Variants in TANC2 observed in about 807,000 individuals in gnomAD.
TANC2 encodes the protein tetratricopeptide repeat, ankyrin repeat and coiled-coil containing 2, also known as protein TANC2.
Under a neutral mutation model 210.5 loss-of-function variants are expected in TANC2, and 26 were observed. That is an observed-to-expected ratio of 0.12 (90% confidence interval 0.09 to 0.17). The LOEUF is 0.17. TANC2 is among the 10% of genes least tolerant of loss of function. TANC2 has a pLI of 1.00. For synonymous variants in TANC2, 931 were observed against 967.1 expected (o/e 0.96, Z 0.69); for missense variants, 2,129 against 2,608.9 (o/e 0.82, Z 4.01).
intron 3 of TANC2, among the ~76,000 whole-genome samples, chr17:63,096,850 T>C (rs528733671): frequency 6.6e-6 from 1 of 152,264 alleles, no homozygotes; most frequent in East Asian, 1.9e-4. Context: ...CAGAAGTGTA[T>C]GAAGATTTTA....
At chr17:63,353,368 A>C (rs916861272) in intron 13 of TANC2, among the ~76,000 whole-genome samples, 1 of 152,190 alleles carries the variant, frequency 6.6e-6, no homozygotes, top group African/African-American at 2.4e-5. Context: ...GATCACAGAT[A>C]TCTTCTAGAA....
At chr17:63,258,847 C>T (rs914080599) in intron 8 of TANC2, among the ~76,000 whole-genome samples, 6 of 152,268 alleles carry the variant, frequency 3.9e-5, no homozygotes, top group Admixed American at 3.3e-4. Context: ...AAGCTGGTAC[C>T]CTATCTATAA....
intron 2 of TANC2, among the ~76,000 whole-genome samples, chr17:63,045,729 A>T (rs916813134): frequency 1.3e-5 from 2 of 152,114 alleles, no homozygotes; most frequent in Non-Finnish European, 2.9e-5. Context: ...TCATGTACTA[A>T]GAATCTGTTA....
chr17:63,172,148 A>G (rs542812134), intron 5 of TANC2, among the ~76,000 whole-genome samples: 1 of 151,552 alleles, frequency 6.6e-6, no homozygotes, highest in Admixed American at 6.6e-5. Context: ...GAATTAAACT[A>G]CAGCTGAGTC....
chr17:63,112,694 GT>G (rs1466427549), intron 4 of TANC2, among the ~76,000 whole-genome samples: 1 of 152,228 alleles, frequency 6.6e-6, no homozygotes, highest in Non-Finnish European at 1.5e-5. Flanking sequence ...ATACAGAAAT[GT>G]GTGTAGAGTT....
At chr17:63,123,573 A>G (rs2145154897) in intron 4 of TANC2, among the ~76,000 whole-genome samples, 1 of 151,438 alleles carries the variant, frequency 6.6e-6, no homozygotes, top group Admixed American at 6.6e-5. Flanking sequence ...AAAAAAAAAG[A>G]AAAAGGGGAA....
intron 16 of TANC2, 113 bp downstream of exon 16, chr17:63,388,870 C>A: frequency 2.7e-6 from 2 of 733,440 alleles, no homozygotes; most frequent in Non-Finnish European, 4.0e-6. Context: ...TCTTATTAGC[C>A]TTTTATTGAT....
intron 5 of TANC2, among the ~76,000 whole-genome samples, chr17:63,156,228 G>A (rs2039831734): frequency 6.6e-6 from 1 of 152,058 alleles, no homozygotes; most frequent in African/African-American, 2.4e-5. Flanking sequence ...AATACAATAA[G>A]TATGAAACAG....
At chr17:63,413,195 C>G (rs978009372) in intron 24 of TANC2, 1 of 227,180 alleles carries the variant, frequency 4.4e-6, no homozygotes, top group African/African-American at 2.3e-5. Context: ...TTGGACTTTT[C>G]AAATCCTGTG....
At chr17:63,193,058 G>A (rs564347130) in intron 5 of TANC2, among the ~76,000 whole-genome samples, 102 of 152,268 alleles carry the variant, frequency 6.7e-4, no homozygotes, top group African/African-American at 2.4e-3. Flanking sequence ...AGGGAGGAAA[G>A]TGTTACTCAT....
At chr17:63,139,677 G>A (rs2039216254) in intron 4 of TANC2, among the ~76,000 whole-genome samples, 2 of 152,182 alleles carry the variant, frequency 1.3e-5, no homozygotes, top group Admixed American at 1.3e-4. Context: ...AGGCTGAGGA[G>A]TATTGCTTGA....
intron 13 of TANC2, among the ~76,000 whole-genome samples, chr17:63,354,191 A>C (rs938744638): frequency 5.3e-5 from 8 of 152,162 alleles, no homozygotes; most frequent in African/African-American, 1.9e-4. Flanking sequence ...ACCTTCCCCC[A>C]GTAGAATTTC....
intron 3 of TANC2, chr17:63,089,021 T>G (rs2037082071): frequency 6.6e-6 from 1 of 152,218 alleles, no homozygotes; most frequent in Admixed American, 6.5e-5. Flanking sequence ...TGCATCTCAC[T>G]GATGCAGACA....
intron 9 of TANC2, among the ~76,000 whole-genome samples, chr17:63,296,883 GAA>G (rs2044552074): frequency 6.6e-6 from 1 of 151,650 alleles, no homozygotes; most frequent in African/African-American, 2.4e-5. Flanking sequence ...AGAAGAGAAA[GAA>G]AAAAGAATAT....
chr17:63,285,413 G>A (rs1373000575), intron 9 of TANC2, among the ~76,000 whole-genome samples: 1 of 151,978 alleles, frequency 6.6e-6, no homozygotes. Flanking sequence ...TACTATGTAG[G>A]TTTAACTTAT....
intron 11 of TANC2, among the ~76,000 whole-genome samples, chr17:63,328,992 T>C (rs936090532): frequency 6.6e-6 from 1 of 152,020 alleles, no homozygotes; most frequent in Non-Finnish European, 1.5e-5. Context: ...ACATCCACCT[T>C]CCCTTCTCCA....
intron 9 of TANC2, among the ~76,000 whole-genome samples, chr17:63,279,561 T>C (rs2043997845): frequency 6.6e-6 from 1 of 152,090 alleles, no homozygotes; most frequent in East Asian, 1.9e-4. Context: ...AGAGTGTAGC[T>C]GATCTAGTAA....
Position 62,977,575 on chromosome 17 carries a change from A to T in TANC2, c.-24+10826A>T, listed in dbSNP as rs191151594. The stretch of plus-strand genomic sequence containing the variant: ...ATTTATTGGTTGTCAACAAATGTTA[A>T]TTGTCATTACTTATAATGGGCAGCT... On this transcript the variant is annotated intron_variant, in intron 1 of 27. Coordinates refer to ENST00000689528, the Ensembl canonical transcript of TANC2. Among the ~76,000 whole-genome samples the T allele has an allele frequency of 3.7e-3, 559 of 152,204 alleles. 4 individuals are homozygous for T. The highest frequency in any genetic ancestry group is 0.013 in the African/African-American group (538 of 41,510).
At chr17:63,325,078 G>A (rs118132764) in intron 11 of TANC2, among the ~76,000 whole-genome samples, 19,691 of 133,008 alleles carry the variant, frequency 0.15, 1,804 homozygotes, top group Middle Eastern at 0.22. Flanking sequence ...GGGGCGGGGG[G>A]CGGGCAGGGG....
Sources: allele counts gnomAD v4.1 joint callset (sites outside exome capture counted in the v4.1 genomes callset), GRCh38; gene constraint gnomAD v4.1.1; transcripts MANE v1.5; gene names NCBI Gene and HGNC (gene_info 2026-07-23, HGNC 2026-07-21).